Variants in NPNT observed in about 807,000 individuals in gnomAD.
NPNT encodes preosteoblast EGF-like repeat protein with MAM domain.
In NPNT, 45 loss-of-function variants were observed where a neutral mutation model predicts 68.6. The observed-to-expected ratio is 0.66, with a 90% CI of 0.52 to 0.84. NPNT has a LOEUF of 0.84. Ranked by LOEUF, NPNT falls within the 40% of genes least tolerant of loss-of-function variation. NPNT has a pLI of 0.00. For missense variants in NPNT, 672 were observed against 714.8 expected (o/e 0.94, Z 0.68); for synonymous variants, 233 against 253.3 (o/e 0.92, Z 0.76).
chr4:105,970,666 ATCTC>A lies in NPNT; in HGVS notation c.*1684_*1687del, dbSNP rs1170881088. ...AAAAAAGAAGTGTGAAAATCTCAGT[ATCTC>A]TCTCTCTTTCTAAAAAATTAGATAA... On this transcript the variant is annotated 3_prime_UTR_variant, in exon 12 of 12. Transcript: ENST00000379987. 2.8e-5 allele frequency: 16 copies of A among 570,728 alleles called. No individual in the cohort carries two copies. Among genetic ancestry groups the A allele is most frequent in the Middle Eastern group, 2.7e-4 (1 of 3,724 alleles). 35.4% of individuals were successfully genotyped at this position (570,728 alleles called of 1,614,324 possible). A position where few individuals can be genotyped will look rare whatever the true frequency, so the allele number is the denominator to read the frequency against.
intron 2 of NPNT, among the ~76,000 whole-genome samples, chr4:105,908,330 A>G (rs888366223): frequency 6.6e-6 from 1 of 152,062 alleles, no homozygotes; most frequent in Non-Finnish European, 1.5e-5. Context: ...TATCTTTTTA[A>G]CCATTCTGTA....
intron 8 of NPNT, among the ~76,000 whole-genome samples, chr4:105,945,689 A>G (rs1257823867): frequency 1.3e-5 from 2 of 152,228 alleles, no homozygotes. Flanking sequence ...TACAGGCCCA[A>G]AATCCTTTAT....
chr4:105,924,576 A>C (rs1321582780), intron 2 of NPNT, among the ~76,000 whole-genome samples: 1 of 152,224 alleles, frequency 6.6e-6, no homozygotes, highest in African/African-American at 2.4e-5. Context: ...CATGGAAGAA[A>C]CATTAACAGT....
Position 105,970,076 on chromosome 4 carries a change from C to T in NPNT, c.*1086C>T, listed in dbSNP as rs1235605344. On this transcript the variant is annotated 3_prime_UTR_variant, in exon 12 of 12. Transcript: ENST00000379987. ...TCCATTGGAACAGATTTTCACACAA[C>T]GTTTTAAATTGATATAAGTTTAGGC... The T allele has an allele frequency of 8.4e-6, 2 of 237,058 alleles. No individual in the cohort carries two copies. Among genetic ancestry groups the T allele is most frequent in the Admixed American group, 5.2e-5 (1 of 19,380 alleles). 14.7% of individuals were successfully genotyped at this position (237,058 alleles called of 1,614,324 possible).
intron 2 of NPNT, among the ~76,000 whole-genome samples, chr4:105,926,551 G>A (rs1280905728): frequency 1.3e-5 from 2 of 152,064 alleles, no homozygotes; most frequent in African/African-American, 4.8e-5. Flanking sequence ...AATTTCCACA[G>A]GGGTAAAAAG....
chr4:105,952,020 T>C (rs1481754787), intron 8 of NPNT, among the ~76,000 whole-genome samples: 4 of 152,216 alleles, frequency 2.6e-5, no homozygotes, highest in Non-Finnish European at 4.4e-5. Flanking sequence ...GAGGTACCTA[T>C]AAAACTTTTA....
chr4:105,964,308 T>TAA (rs543224633), intron 10 of NPNT, among the ~76,000 whole-genome samples: 7 of 152,306 alleles, frequency 4.6e-5, no homozygotes, highest in South Asian at 2.1e-4. Context: ...CAGAGGAACA[T>TAA]AAGTTGTTTC....
chr4:105,950,762 G>GC (rs1172597330), intron 8 of NPNT, among the ~76,000 whole-genome samples: 1 of 152,040 alleles, frequency 6.6e-6, no homozygotes, highest in African/African-American at 2.4e-5. Flanking sequence ...GTCAGGAAGA[G>GC]CCCCCTCCTT....
At position 105,940,224 on chromosome 4, in the gene NPNT, C is replaced by G; in HGVS notation, c.640+15C>G. On this transcript the variant is annotated intron_variant, in intron 6 of 11. Transcript: ENST00000379987. ...TCAATGTCATGGTAATGAAACCCAACCATTGCTTTGTGTTGTTTCTTCCTA... is the reference window on the plus strand; with the variant it reads ...TCAATGTCATGGTAATGAAACCCAAGCATTGCTTTGTGTTGTTTCTTCCTA... The G allele has an allele frequency of 6.2e-7, 1 of 1,611,336 alleles. No homozygotes were observed. Among genetic ancestry groups the G allele is most frequent in the African/African-American group, 1.3e-5 (1 of 74,974 alleles).
chr4:105,942,658 A>G lies in NPNT; in HGVS notation c.1115A>G (p.Asn372Ser). ...STPPGGITVD[N>S]RVQTDPQKPR... Reference sequence around the variant, plus strand: ...CCTCCAGGAGGGATTACAGTTGACAACAGGGTACAGACAGACCCTCAGAAA... The same window carrying G: ...CCTCCAGGAGGGATTACAGTTGACAGCAGGGTACAGACAGACCCTCAGAAA... Residue 372 changes from asparagine (N) to serine (S), a missense_variant, in exon 8 of 12, where the codon AAC becomes AGC. Physicochemically the swap from Asn to Ser is conservative, Grantham distance 46 (BLOSUM62 1). Transcript: ENST00000379987. The G allele has an allele frequency of 6.2e-7, 1 of 1,613,964 alleles. No individual in the cohort carries two copies. Among genetic ancestry groups the G allele is most frequent in the Non-Finnish European group, 8.5e-7 (1 of 1,179,928 alleles).
chr4:105,929,429 T>A (rs549648681), intron 3 of NPNT: 42 of 152,342 alleles, frequency 2.8e-4, no homozygotes, highest in African/African-American at 9.6e-4. Flanking sequence ...ATTTTCCCAA[T>A]GCTTGTTTTC....
At position 105,896,105 on chromosome 4, in the gene NPNT, G is replaced by C. The variant is rs538219436; in HGVS notation, c.71+382G>C. 48 of 218,460 alleles carry C rather than the reference G, an allele frequency of 2.2e-4. No individual in the cohort carries two copies. In the Admixed American group the frequency reaches 2.6e-3, roughly 12 times the overall value. The allele number at this position is 218,460 out of a possible 1,614,324, so 13.5% of individuals were successfully genotyped here. A position where few individuals can be genotyped will look rare whatever the true frequency, so the allele number is the denominator to read the frequency against. The stretch of plus-strand genomic sequence containing the variant: ...GGAAACTCCCGCGCCTGAACTAGAC[G>C]GCTCTTCACTGGGGAAGCTTCCAGG... On this transcript the variant is annotated intron_variant, in intron 1 of 11. Transcript: ENST00000379987.
chr4:105,955,916 G>A (rs1252057438), intron 8 of NPNT, among the ~76,000 whole-genome samples: 1 of 152,038 alleles, frequency 6.6e-6, no homozygotes, highest in Non-Finnish European at 1.5e-5. Flanking sequence ...TATGGTTATA[G>A]AGTAGAGCAC....
chr4:105,914,785 A>AAGCTCAGTAGC (rs1335417465), intron 2 of NPNT, among the ~76,000 whole-genome samples: 1 of 152,030 alleles, frequency 6.6e-6, no homozygotes, highest in Non-Finnish European at 1.5e-5. Context: ...AATGCATTTA[A>AAGCTCAGTAGC]AGCTCAGTAG....
At chr4:105,895,782 C>G in intron 1 of NPNT, 59 bp downstream of exon 1, 1 of 1,405,026 alleles carries the variant, frequency 7.1e-7, no homozygotes, top group East Asian at 2.5e-5. Context: ...CACTCACTGT[C>G]TTGGGTCACT....
chr4:105,920,804 C>T (rs759447900), intron 2 of NPNT, among the ~76,000 whole-genome samples: 22 of 151,974 alleles, frequency 1.4e-4, no homozygotes, highest in Non-Finnish European at 3.1e-4. Flanking sequence ...AGACTAGACA[C>T]GTTATTTATT....
At chr4:105,905,734 C>T (rs1726833994) in intron 2 of NPNT, among the ~76,000 whole-genome samples, 1 of 152,078 alleles carries the variant, frequency 6.6e-6, no homozygotes, top group African/African-American at 2.4e-5. Flanking sequence ...TTGCATATAT[C>T]ATCATCACTG....
At chr4:105,962,345 A>C (rs115334775) in intron 10 of NPNT, among the ~76,000 whole-genome samples, 1 of 152,210 alleles carries the variant, frequency 6.6e-6, no homozygotes, top group African/African-American at 2.4e-5. Flanking sequence ...ATGATGCATC[A>C]GGGTTCCTTT....
In NPNT at chr4:105,925,514, C is replaced by T. The variant is rs565402168; in HGVS notation, c.173-1822C>T. Among the ~76,000 whole-genome samples, 15 of 152,080 alleles carry T rather than the reference C, an allele frequency of 9.9e-5. 1 individual carries two copies. The South Asian group carries it at 1.2e-3, about 13-fold the overall frequency. On this transcript the variant is annotated intron_variant, in intron 2 of 11. Coordinates refer to ENST00000379987, the MANE Select transcript of NPNT (RefSeq NM_001033047.3). ...AAAAATAACATGCACATCAGTTTCG[C>T]AGGAGTATTAGAGTCTTAAAGGAAA...
Sources: allele counts gnomAD v4.1 joint callset (sites outside exome capture counted in the v4.1 genomes callset), GRCh38; gene constraint gnomAD v4.1.1; transcripts MANE v1.5; gene names NCBI Gene and HGNC (gene_info 2026-07-23, HGNC 2026-07-21).